NIPBL: variants seen among roughly 807,000 people sequenced by gnomAD.
The protein encoded by NIPBL is nipped-B-like protein.
A neutral mutation model predicts 321.8 loss-of-function variants in NIPBL; 19 were observed. That is an observed-to-expected ratio of 0.06 (90% confidence interval 0.04 to 0.09). NIPBL has a LOEUF of 0.09. NIPBL is among the 10% of genes least tolerant of loss of function. The pLI is 1.00. For synonymous variants in NIPBL, 1,106 were observed against 1,114.1 expected (o/e 0.99, Z 0.14); for missense variants, 2,210 against 3,327.0 (o/e 0.66, Z 8.26).
At chr5:36,942,207 C>A (rs940148132) in intron 1 of NIPBL, among the ~76,000 whole-genome samples, 3 of 151,528 alleles carry the variant, frequency 2.0e-5, no homozygotes, top group African/African-American at 7.3e-5. Context: ...CGGAGTGGGG[C>A]GGATCACCTC....
chr5:36,928,347 G>T (rs532367077), intron 1 of NIPBL, among the ~76,000 whole-genome samples: 1 of 152,224 alleles, frequency 6.6e-6, no homozygotes, highest in South Asian at 2.1e-4. Flanking sequence ...TTAGTCAAGT[G>T]CAAGTTAGAG....
intron 12 of NIPBL, 56 bp downstream of exon 12, chr5:37,000,626 T>G: frequency 6.5e-7 from 1 of 1,546,496 alleles, no homozygotes; most frequent in Admixed American, 1.7e-5. Flanking sequence ...TTTAGGGCTT[T>G]AACTTTGAAG....
chr5:36,907,881 A>G (rs1212356392), intron 1 of NIPBL, among the ~76,000 whole-genome samples: 2 of 152,224 alleles, frequency 1.3e-5, no homozygotes, highest in Admixed American at 6.5e-5. Flanking sequence ...AAAATGGTAA[A>G]TGAACAACTG....
At chr5:37,040,421 G>A (rs1752205909) in intron 34 of NIPBL, among the ~76,000 whole-genome samples, 1 of 151,932 alleles carries the variant, frequency 6.6e-6, no homozygotes, top group South Asian at 2.1e-4. Context: ...TATAGTTGTG[G>A]ACACAGAGGT....
At chr5:36,919,896 C>A (rs1167474778) in intron 1 of NIPBL, among the ~76,000 whole-genome samples, 1 of 152,026 alleles carries the variant, frequency 6.6e-6, no homozygotes, top group Non-Finnish European at 1.5e-5. Context: ...ATAGAACTAT[C>A]TTGGATGCCT....
intron 1 of NIPBL, among the ~76,000 whole-genome samples, chr5:36,881,426 A>C (rs1299627481): frequency 6.6e-6 from 1 of 151,844 alleles, no homozygotes; most frequent in Non-Finnish European, 1.5e-5. Flanking sequence ...TGCTTGATGT[A>C]GCATTGCCAG....
At chr5:36,951,152 T>G (rs2149593525) in intron 1 of NIPBL, among the ~76,000 whole-genome samples, 1 of 152,304 alleles carries the variant, frequency 6.6e-6, no homozygotes, top group East Asian at 1.9e-4. Context: ...CAGTGCATTT[T>G]TATGTCACTG....
Position 37,024,556 on chromosome 5 carries a change from G to T in NIPBL, c.5575-29G>T. ...ATACACTAGGCATCTCAATTTTTCT[G>T]ACTCTTAAAAATACCTTTCTGTTTT... On this transcript the variant is annotated intron_variant, in intron 29 of 46. Transcript: ENST00000282516. The T allele has an allele frequency of 2.5e-6, 4 of 1,583,914 alleles. No individual in the cohort carries two copies. The South Asian group carries it at 4.5e-5, about 18-fold the overall frequency.
intron 33 of NIPBL, 146 bp from the exon 34 acceptor site, chr5:37,038,456 A>G: frequency 1.6e-6 from 1 of 627,078 alleles, no homozygotes; most frequent in Non-Finnish European, 2.7e-6. Context: ...GAGAAAGTCT[A>G]GTATCATAAG....
At chr5:36,895,500 G>A (rs1289658157) in intron 1 of NIPBL, among the ~76,000 whole-genome samples, 1 of 152,148 alleles carries the variant, frequency 6.6e-6, no homozygotes, top group East Asian at 1.9e-4. Flanking sequence ...AAATTTTTAG[G>A]TCATGTGGTA....
At chr5:36,897,793 A>G (rs1746872340) in intron 1 of NIPBL, among the ~76,000 whole-genome samples, 1 of 152,072 alleles carries the variant, frequency 6.6e-6, no homozygotes, top group South Asian at 2.1e-4. Context: ...AGGGATGCAA[A>G]ATAAATTCTA....
At chr5:37,026,387 A>G (rs1750269482) in intron 31 of NIPBL, 60 bp downstream of exon 31, 4 of 902,642 alleles carry the variant, frequency 4.4e-6, no homozygotes, top group Non-Finnish European at 7.4e-6. Context: ...TGAGGCCTAC[A>G]TGTCTTATGA....
chr5:36,934,549 A>T (rs1040070361), intron 1 of NIPBL, among the ~76,000 whole-genome samples: 12 of 152,172 alleles, frequency 7.9e-5, no homozygotes, highest in Admixed American at 7.9e-4. Context: ...CAGTGGGTCA[A>T]CTTTACAGTT....
intron 4 of NIPBL, among the ~76,000 whole-genome samples, chr5:36,960,639 G>A (rs1362028237): frequency 6.6e-6 from 1 of 152,138 alleles, no homozygotes; most frequent in Non-Finnish European, 1.5e-5. Flanking sequence ...TATAACAACA[G>A]CAGGAAATGA....
intron 40 of NIPBL, among the ~76,000 whole-genome samples, chr5:37,050,053 A>G (rs1218363108): frequency 1.3e-5 from 2 of 152,228 alleles, no homozygotes; most frequent in Non-Finnish European, 2.9e-5. Context: ...TATTATCATA[A>G]AGAATCATAC....
intron 10 of NIPBL, among the ~76,000 whole-genome samples, chr5:36,988,201 G>A (rs2149650208): frequency 6.6e-6 from 1 of 152,164 alleles, no homozygotes; most frequent in South Asian, 2.1e-4. Flanking sequence ...CAATAATATT[G>A]CCTATGAATA....
chr5:36,904,100 T>A (rs1439240865), intron 1 of NIPBL, among the ~76,000 whole-genome samples: 4 of 152,328 alleles, frequency 2.6e-5, no homozygotes, highest in African/African-American at 9.6e-5. Context: ...GAAGTGCTCG[T>A]AAGTAGGATG....
At chr5:36,905,610 C>G (rs147327731) in intron 1 of NIPBL, among the ~76,000 whole-genome samples, 1 of 151,968 alleles carries the variant, frequency 6.6e-6, no homozygotes, top group East Asian at 1.9e-4. Flanking sequence ...TTTGAAGATG[C>G]CTATTCATAA....
chr5:37,041,040 G>T, intron 34 of NIPBL, among the ~76,000 whole-genome samples: 1 of 150,044 alleles, frequency 6.7e-6, no homozygotes, highest in African/African-American at 2.5e-5. Flanking sequence ...TTTTTTTTTA[G>T]GAGAGCTCTT....
Sources: gnomAD v4.1 joint callset for allele counts (sites outside exome capture counted in the v4.1 genomes callset) on GRCh38, gnomAD v4.1.1 for gene constraint, MANE v1.5 for transcripts, NCBI Gene and HGNC (gene_info 2026-07-23, HGNC 2026-07-21) for gene names.